KHDRBS2: variants seen among roughly 807,000 people sequenced by gnomAD.
KHDRBS2 encodes the protein KH domain-containing, RNA-binding, signal transduction-associated protein 2.
KHDRBS2 carries 26 observed loss-of-function variants against 44.3 expected under a neutral mutation model. The observed-to-expected ratio is 0.59, with a 90% CI of 0.43 to 0.81. The LOEUF (loss-of-function observed/expected upper bound fraction) is 0.81, where lower values mean the gene tolerates loss of function less well. KHDRBS2 is among the 40% of genes least tolerant of loss of function. The pLI is 0.00. For missense variants in KHDRBS2, 476 were observed against 433.1 expected, an observed-to-expected ratio of 1.10 and a Z score of -0.88; for synonymous variants, 194 against 151.1, an observed-to-expected ratio of 1.28 and a Z score of -2.08.
intron 6 of KHDRBS2, among the ~76,000 whole-genome samples, chr6:61,832,578 G>A (rs1791996766): frequency 1.3e-5 from 2 of 151,672 alleles, no homozygotes; most frequent in Admixed American, 6.6e-5. Flanking sequence ...ATTGCTGGGA[G>A]GGACATGAGA....
At chr6:62,196,204 A>G (rs1481646503) in intron 1 of KHDRBS2, among the ~76,000 whole-genome samples, 2 of 152,186 alleles carry the variant, frequency 1.3e-5, no homozygotes, top group African/African-American at 4.8e-5. Flanking sequence ...AGTGGTGCAA[A>G]TGGAATCTCC....
intron 7 of KHDRBS2, among the ~76,000 whole-genome samples, chr6:61,702,166 A>T (rs1768789396): frequency 6.6e-6 from 1 of 151,836 alleles, no homozygotes; most frequent in Admixed American, 6.6e-5. Flanking sequence ...TCCATAAGAG[A>T]TACTGATCAG....
At chr6:61,912,682 C>T (rs1294147146) in intron 4 of KHDRBS2, among the ~76,000 whole-genome samples, 2 of 152,084 alleles carry the variant, frequency 1.3e-5, no homozygotes, top group Admixed American at 1.3e-4. Flanking sequence ...TTCCACAGAC[C>T]ATCTATATAG....
chr6:61,609,345 C>A, the KHDRBS2 span, among the ~76,000 whole-genome samples: 1 of 151,990 alleles, frequency 6.6e-6, no homozygotes, highest in East Asian at 1.9e-4. Flanking sequence ...GCAACAAGAG[C>A]GAAACTCTGT....
chr6:61,676,190 C>G (rs370741405), downstream of KHDRBS2, among the ~76,000 whole-genome samples: 23 of 151,896 alleles, frequency 1.5e-4, no homozygotes, highest in African/African-American at 4.6e-4. Flanking sequence ...TAAAAGGATA[C>G]TAACTTAAAG....
chr6:61,579,563 T>C, the KHDRBS2 span, among the ~76,000 whole-genome samples: 1 of 152,168 alleles, frequency 6.6e-6, no homozygotes, highest in Non-Finnish European at 1.5e-5. Flanking sequence ...CAAATCATGA[T>C]GGACTGATGA....
the KHDRBS2 span, among the ~76,000 whole-genome samples, chr6:61,560,705 G>A: frequency 2.0e-5 from 3 of 151,898 alleles, no homozygotes; most frequent in South Asian, 2.1e-4. Context: ...GATAGAATTC[G>A]GAATTCCTTC....
rs181122855 is a variant in KHDRBS2 at position 61,700,575 on chromosome 6, A to G, written c.894-3322T>C. Among the ~76,000 whole-genome samples the G allele has an allele frequency of 2.0e-5, 3 of 151,652 alleles. No homozygotes were observed. The East Asian group carries it at 5.8e-4, about 30-fold the overall frequency. On this transcript the variant is annotated intron_variant, in intron 7 of 8. Coordinates refer to ENST00000281156, the MANE Select transcript of KHDRBS2 (RefSeq NM_152688.4). The stretch of plus-strand genomic sequence containing the variant: ...TTTACTTGGACAAATGGCTGCACTA[A>G]TAGTGAATACACCCTTTCAGCTAGA...
chr6:62,224,777 A>T (rs551256623), intron 1 of KHDRBS2, among the ~76,000 whole-genome samples: 6 of 152,370 alleles, frequency 3.9e-5, no homozygotes, highest in African/African-American at 1.4e-4. Flanking sequence ...GCTAAAAGCA[A>T]AAGCCTTTTA....
chr6:62,250,841 C>G (rs1836401677), intron 1 of KHDRBS2, among the ~76,000 whole-genome samples: 2 of 151,814 alleles, frequency 1.3e-5, no homozygotes, highest in Non-Finnish European at 2.9e-5. Context: ...AAAATGTATT[C>G]TTCAAAAATA....
chr6:61,844,756 C>T (rs899854209), intron 6 of KHDRBS2, among the ~76,000 whole-genome samples: 1 of 28,004 alleles, frequency 3.6e-5, no homozygotes, highest in Non-Finnish European at 8.2e-5. Context: ...CACTGTCCTT[C>T]TTCTGAAATC....
At chr6:62,198,242 C>A (rs1428787225) in intron 1 of KHDRBS2, among the ~76,000 whole-genome samples, 1 of 151,990 alleles carries the variant, frequency 6.6e-6, no homozygotes, top group African/African-American at 2.4e-5. Flanking sequence ...AAGATCAGAG[C>A]AGAACTGAAG....
intron 2 of KHDRBS2, among the ~76,000 whole-genome samples, chr6:62,067,481 A>T (rs1794004052): frequency 6.6e-6 from 1 of 151,686 alleles, no homozygotes; most frequent in Admixed American, 6.6e-5. Flanking sequence ...TACTGAGTGT[A>T]CATTCAGTCA....
intron 2 of KHDRBS2, among the ~76,000 whole-genome samples, chr6:62,121,754 T>G (rs149661265): frequency 6.6e-6 from 1 of 152,194 alleles, no homozygotes; most frequent in African/African-American, 2.4e-5. Flanking sequence ...GATTACACTA[T>G]GCTGATTGGA....
rs117318114 is a variant in KHDRBS2 at position 62,152,008 on chromosome 6, A to G, written c.219+25177T>C. ...TATTTCTCCATACCTTAGTGTTTTC[A>G]TCTGCTATACGGAAATAATAGTGCT... On this transcript the variant is annotated intron_variant, in intron 2 of 8. Transcript: ENST00000281156. Among the ~76,000 whole-genome samples, 811 of 152,242 alleles carry G rather than the reference A, an allele frequency of 5.3e-3. 16 individuals are homozygous for G. The highest frequency in any genetic ancestry group is 0.032 in the East Asian group (166 of 5,180).
chr6:62,030,980 CACA>C (rs1020534131), intron 3 of KHDRBS2, among the ~76,000 whole-genome samples: 6 of 151,978 alleles, frequency 3.9e-5, no homozygotes, highest in African/African-American at 1.4e-4. Context: ...TACTGACATA[CACA>C]ACAACAGGGA....
intron 3 of KHDRBS2, among the ~76,000 whole-genome samples, chr6:62,045,644 C>T (rs6942114): frequency 0.82 from 125,182 of 151,966 alleles, 51,956 homozygotes; most frequent in Admixed American, 0.88. Context: ...AATAAATAAT[C>T]AATGCATGAA....
chr6:62,241,902 G>A (rs1019672257), intron 1 of KHDRBS2, among the ~76,000 whole-genome samples: 1 of 152,100 alleles, frequency 6.6e-6, no homozygotes, highest in Non-Finnish European at 1.5e-5. Flanking sequence ...TGTTCTCCAG[G>A]AGTGGTGTTC....
At chr6:61,779,066 G>T (rs908203935) in intron 6 of KHDRBS2, among the ~76,000 whole-genome samples, 1 of 152,042 alleles carries the variant, frequency 6.6e-6, no homozygotes, top group Non-Finnish European at 1.5e-5. Context: ...TAGTTTACTT[G>T]GTGATTTGGG....
Sources: gnomAD v4.1 joint callset for allele counts (sites outside exome capture counted in the v4.1 genomes callset) on GRCh38, gnomAD v4.1.1 for gene constraint, MANE v1.5 for transcripts, NCBI Gene and HGNC (gene_info 2026-07-23, HGNC 2026-07-21) for gene names.